The following PPP2R3A variants were observed in gnomAD, a reference collection of about 807,000 sequenced individuals.
PPP2R3A encodes serine/threonine-protein phosphatase 2A regulatory subunit B'' subunit alpha.
In PPP2R3A, 80 loss-of-function variants were observed where a neutral mutation model predicts 106.9. That is an observed-to-expected ratio of 0.75 (90% CI 0.62 to 0.90). The LOEUF is 0.90. Ranked by LOEUF, PPP2R3A falls within the 40% of genes least tolerant of loss-of-function variation. The probability of loss-of-function intolerance (pLI) is 0.00; values close to 1 mark genes in which losing one functional copy is unlikely to be tolerated. For synonymous variants in PPP2R3A, 483 were observed against 468.3 expected, an observed-to-expected ratio of 1.03 and a Z score of -0.41; for missense variants, 1,386 against 1,350.4, an observed-to-expected ratio of 1.03 and a Z score of -0.41.
At chr3:136,073,819 T>C (rs920762620) in intron 6 of PPP2R3A, among the ~76,000 whole-genome samples, 3 of 152,252 alleles carry the variant, frequency 2.0e-5, no homozygotes, top group Non-Finnish European at 4.4e-5. Flanking sequence ...ATTGAAACTG[T>C]TGCATTATTT....
chr3:136,012,244 G>A (rs1014193263), intron 2 of PPP2R3A, among the ~76,000 whole-genome samples: 3 of 152,148 alleles, frequency 2.0e-5, no homozygotes, highest in South Asian at 2.1e-4. Context: ...GAGAACTCTA[G>A]ACACTAGAAA....
At chr3:136,088,855 T>C (rs1256535483) in intron 9 of PPP2R3A, among the ~76,000 whole-genome samples, 2 of 152,200 alleles carry the variant, frequency 1.3e-5, no homozygotes, top group African/African-American at 4.8e-5. Context: ...GATGTTGAGA[T>C]TGTTTCATGT....
At chr3:136,126,342 C>A (rs1204523640) in intron 13 of PPP2R3A, among the ~76,000 whole-genome samples, 1 of 152,232 alleles carries the variant, frequency 6.6e-6, no homozygotes, top group African/African-American at 2.4e-5. Flanking sequence ...TCGGCAGGTC[C>A]CATGCCCATG....
intron 13 of PPP2R3A, among the ~76,000 whole-genome samples, chr3:136,111,694 C>T (rs749899353): frequency 6.6e-6 from 1 of 151,176 alleles, no homozygotes; most frequent in Non-Finnish European, 1.5e-5. Context: ...CTGGACTAGA[C>T]AGATTCACAG....
At chr3:136,120,006 A>G (rs1268726703) in intron 13 of PPP2R3A, among the ~76,000 whole-genome samples, 1 of 152,126 alleles carries the variant, frequency 6.6e-6, no homozygotes, top group Non-Finnish European at 1.5e-5. Context: ...CATATATGCC[A>G]TGGAATACTA....
intron 5 of PPP2R3A, among the ~76,000 whole-genome samples, chr3:136,050,145 T>C (rs958807927): frequency 6.6e-6 from 1 of 152,212 alleles, no homozygotes; most frequent in East Asian, 1.9e-4. Context: ...TATGTACTTA[T>C]CTAGAAAACT....
rs755992282 is a variant in PPP2R3A at position 136,002,679 on chromosome 3, A to G, written c.1181A>G (p.Gln394Arg). The stretch of plus-strand genomic sequence containing the variant: ...AGAACTCTAAAAGCTGTCCAGGTCC[A>G]ATCACAGTCATTAACCATGAATCCT... ...DPRTLKAVQV[Q>R]SQSLTMNPLE... The change falls in exon 2 of 14, where the codon CAA (glutamine) becomes CGA (arginine). Residue 394 changes from glutamine (Q) to arginine (R), a missense_variant. Transcript: ENST00000264977. 6.2e-7 allele frequency: 1 copy of G among 1,613,402 alleles called. No individual in the cohort carries two copies. Among genetic ancestry groups the G allele is most frequent in the African/African-American group, 1.3e-5 (1 of 74,942 alleles).
intron 8 of PPP2R3A, among the ~76,000 whole-genome samples, chr3:136,086,839 C>T (rs1475542011): frequency 6.6e-6 from 1 of 152,154 alleles, no homozygotes; most frequent in Admixed American, 6.5e-5. Context: ...ATGCTGATAG[C>T]TGCTAAGTCC....
intron 3 of PPP2R3A, among the ~76,000 whole-genome samples, chr3:136,037,026 G>A (rs987879745): frequency 2.6e-5 from 4 of 152,228 alleles, no homozygotes; most frequent in Admixed American, 1.3e-4. Flanking sequence ...CAACCTTTAA[G>A]GAGTAAGGAG....
Position 136,102,145 on chromosome 3 carries a change from G to A in PPP2R3A, c.3066G>A (p.Leu1022=), listed in dbSNP as rs1363751984. 3.1e-6 allele frequency: 5 copies of A among 1,613,502 alleles called. No homozygotes were observed. The South Asian group carries it at 4.4e-5, about 14-fold the overall frequency. Residue 1022 remains leucine, a synonymous_variant, in exon 11 of 14, where the codon CTG becomes CTA. Transcript: ENST00000264977. The part of the protein sequence containing the change: ...GIEPLPFHDL[L]CQMLDLVKPA... ...AGCCCTTGCCATTCCATGATTTACTGTGCCAGATGCTTGACCTAGTGAAGC... is the reference window on the plus strand; with the variant it reads ...AGCCCTTGCCATTCCATGATTTACTATGCCAGATGCTTGACCTAGTGAAGC...
At chr3:136,083,568 A>G (rs1447549407) in intron 8 of PPP2R3A, among the ~76,000 whole-genome samples, 2 of 152,208 alleles carry the variant, frequency 1.3e-5, no homozygotes, top group African/African-American at 2.4e-5. Context: ...ACAGACTAAT[A>G]TAGTAAATTG....
Position 135,996,731 on chromosome 3 carries a change from A to C in PPP2R3A, c.-440-4328A>C, listed in dbSNP as rs546668453. Among the ~76,000 whole-genome samples, 22 of 152,270 alleles carry C rather than the reference A, an allele frequency of 1.4e-4. 1 individual carries two copies. The South Asian group carries it at 4.6e-3, about 32-fold the overall frequency. On this transcript the variant is annotated intron_variant, in intron 1 of 13. Coordinates refer to ENST00000264977, the MANE Select transcript of PPP2R3A (RefSeq NM_002718.5). ...CTCTACTTCTACATCAGTCCTGCTC[A>C]GTGTTTCAGGATCTATCCTTACTTT...
chr3:136,060,798 G>A (rs932595992), intron 5 of PPP2R3A, among the ~76,000 whole-genome samples: 2 of 152,192 alleles, frequency 1.3e-5, no homozygotes, highest in East Asian at 1.9e-4. Context: ...CAGCTAAATA[G>A]GAATAATTTC....
At chr3:136,134,209 A>T (rs952488515) in intron 13 of PPP2R3A, among the ~76,000 whole-genome samples, 1 of 152,064 alleles carries the variant, frequency 6.6e-6, no homozygotes, top group African/African-American at 2.4e-5. Flanking sequence ...GAAACACCTC[A>T]CTCTAGGCTT....
chr3:135,995,936 A>G (rs1933379426), intron 1 of PPP2R3A, among the ~76,000 whole-genome samples: 1 of 152,212 alleles, frequency 6.6e-6, no homozygotes, highest in East Asian at 1.9e-4. Context: ...TTTCTCTGCC[A>G]TCCAGAGTGT....
intron 6 of PPP2R3A, among the ~76,000 whole-genome samples, chr3:136,072,049 T>G (rs974459156): frequency 2.0e-5 from 3 of 152,156 alleles, no homozygotes; most frequent in Admixed American, 1.3e-4. Context: ...GCTTCATTTT[T>G]CTTCTTAGCT....
intron 9 of PPP2R3A, among the ~76,000 whole-genome samples, chr3:136,088,713 TG>T (rs1279402236): frequency 6.6e-6 from 1 of 152,202 alleles, no homozygotes; most frequent in Non-Finnish European, 1.5e-5. Context: ...CCACTAACAG[TG>T]TATAAGTATT....
At chr3:136,143,637 A>G (rs968656171) in intron 13 of PPP2R3A, among the ~76,000 whole-genome samples, 2 of 151,932 alleles carry the variant, frequency 1.3e-5, no homozygotes, top group Non-Finnish European at 2.9e-5. Context: ...TGAAAATACA[A>G]AAATTACCCG....
chr3:135,992,835 G>A (rs746669666), intron 1 of PPP2R3A, among the ~76,000 whole-genome samples: 1 of 152,140 alleles, frequency 6.6e-6, no homozygotes, highest in Non-Finnish European at 1.5e-5. Context: ...TATAAGATGA[G>A]AAACGGGGCA....
Sources: gnomAD v4.1 joint callset for allele counts (sites outside exome capture counted in the v4.1 genomes callset) on GRCh38, gnomAD v4.1.1 for gene constraint, MANE v1.5 for transcripts, NCBI Gene and HGNC (gene_info 2026-07-23, HGNC 2026-07-21) for gene names.